CELF2: variants seen among roughly 807,000 people sequenced by gnomAD.
The protein encoded by CELF2 is CUGBP Elav-like family member 2.
In CELF2, 8 loss-of-function variants were observed where a neutral mutation model predicts 62.6. That is an observed-to-expected ratio of 0.13 (90% CI 0.07 to 0.23). The LOEUF is 0.23. Ranked by LOEUF, CELF2 falls within the 10% of genes least tolerant of loss-of-function variation. The pLI, the probability that CELF2 is intolerant of heterozygous loss-of-function variation, is 1.00. For missense variants in CELF2, 333 were observed against 671.0 expected, an observed-to-expected ratio of 0.50 and a Z score of 5.56; for synonymous variants, 258 against 250.0, an observed-to-expected ratio of 1.03 and a Z score of -0.30.
At chr10:10,982,121 A>T (rs2052203951) in intron 2 of CELF2, among the ~76,000 whole-genome samples, 2 of 151,862 alleles carry the variant, frequency 1.3e-5, no homozygotes, top group Middle Eastern at 6.8e-3. Context: ...ATGGCTGGCT[A>T]ATTTTTTTAT....
At chr10:10,697,710 T>C in the CELF2 span, among the ~76,000 whole-genome samples, 2 of 152,192 alleles carry the variant, frequency 1.3e-5, no homozygotes, top group African/African-American at 4.8e-5. Context: ...AATCTCATTC[T>C]TGAGGGCCTC....
chr10:11,115,546 C>G (rs1264018019), intron 1 of CELF2, among the ~76,000 whole-genome samples: 1 of 152,214 alleles, frequency 6.6e-6, no homozygotes, highest in Non-Finnish European at 1.5e-5. Context: ...CTACTTGTCC[C>G]TTTAGCTATT....
At chr10:11,253,177 G>A (rs1163651291) in intron 4 of CELF2, among the ~76,000 whole-genome samples, 2 of 152,192 alleles carry the variant, frequency 1.3e-5, no homozygotes, top group African/African-American at 4.8e-5. Context: ...TGCCGCAAGG[G>A]AAGTTGCTTG....
rs964447977 is a variant in CELF2 at position 11,010,019 on chromosome 10, G to A, written c.53+4579G>A. 1 of 152,210 alleles carries A rather than the reference G, an allele frequency of 6.6e-6. No homozygotes were observed. The highest frequency in any genetic ancestry group is 6.6e-5 in the Admixed American group (1 of 15,250). 9.4% of individuals were successfully genotyped at this position (152,210 alleles called of 1,614,324 possible). ...GTTGTGCCTTTATGCGGAAATTGATGAGTTGCTTTTCATCCTTCTTGTAAG... is the reference window on the plus strand; with the variant it reads ...GTTGTGCCTTTATGCGGAAATTGATAAGTTGCTTTTCATCCTTCTTGTAAG... On this transcript the variant is annotated intron_variant, in intron 1 of 12. Coordinates refer to the CELF2 transcript ENST00000416382. This position sits in a 1 kb window ranked among gnomAD's most constrained non-coding sequence, Gnocchi z 4.1.
chr10:10,470,532 C>T, the CELF2 span, among the ~76,000 whole-genome samples: 1 of 151,782 alleles, frequency 6.6e-6, no homozygotes, highest in Non-Finnish European at 1.5e-5. Context: ...GGGTCATTCT[C>T]ACCTTCTGGA....
Position 11,018,043 on chromosome 10 carries a change from G to T in CELF2, c.-47G>T, listed in dbSNP as rs754907593. ...TCGCGCCGCCCGCGGCCGCTCGGAC[G>T]CGCGCAGAGCCGCCCCCCGCCGCTG... On this transcript the variant is annotated 5_prime_UTR_variant, in exon 1 of 13. Transcript: ENST00000633077. 52 of 1,275,150 alleles carry T rather than the reference G, an allele frequency of 4.1e-5. No homozygotes were observed. The highest frequency in any genetic ancestry group is 5.1e-5 in the Non-Finnish European group (51 of 993,780). 79.0% of individuals were successfully genotyped at this position (1,275,150 alleles called of 1,614,324 possible). A position where few individuals can be genotyped will look rare whatever the true frequency, so the allele number is the denominator to read the frequency against.
In CELF2 at chr10:11,267,554, T is replaced by C. The variant is rs757943495; in HGVS notation, c.618+877T>C. On this transcript the variant is annotated intron_variant, in intron 6 of 12. Coordinates refer to ENST00000633077, the MANE Select transcript of CELF2 (RefSeq NM_001326342.2). The surrounding 1 kb of genome is among the most constrained non-coding windows in gnomAD (Gnocchi z 4.4). ...GTGATCTTTTCCGGAGGTGGCCTTG[T>C]GGTGTTATCTGAAGCTGTGTTTTCA... Among the ~76,000 whole-genome samples the C allele has an allele frequency of 2.0e-5, 3 of 152,248 alleles. No homozygotes were observed. The highest frequency in any genetic ancestry group is 2.9e-5 in the Non-Finnish European group (2 of 68,040).
the CELF2 span, among the ~76,000 whole-genome samples, chr10:10,495,851 A>G: frequency 6.6e-6 from 1 of 152,080 alleles, no homozygotes; most frequent in Non-Finnish European, 1.5e-5. Flanking sequence ...ACGCATTTTC[A>G]CCCTATATCC....
chr10:11,119,743 C>T (rs1263087551), intron 1 of CELF2, among the ~76,000 whole-genome samples: 1 of 151,986 alleles, frequency 6.6e-6, no homozygotes, highest in Non-Finnish European at 1.5e-5. Flanking sequence ...ATGAAAAAGC[C>T]TTTATCCTCC....
Position 11,227,131 on chromosome 10 carries a change from G to A in CELF2, c.354+9624G>A, listed in dbSNP as rs1454717198. 2.0e-5 allele frequency among the ~76,000 whole-genome samples: 3 copies of A among 152,306 alleles called. No homozygotes were observed. The highest frequency in any genetic ancestry group is 3.9e-4 in the East Asian group (2 of 5,186). On this transcript the variant is annotated intron_variant, in intron 3 of 12. Coordinates refer to ENST00000633077, the MANE Select transcript of CELF2 (RefSeq NM_001326342.2). This position sits in a 1 kb window ranked among gnomAD's most constrained non-coding sequence, Gnocchi z 4.8. ...GCTTTAGGCAGCAGGACAAGAGGCC[G>A]AGGTTGTGAAACAAACGGAAACCTC...
At chr10:10,926,593 T>C (rs1228917854) in intron 2 of CELF2, among the ~76,000 whole-genome samples, 1 of 152,230 alleles carries the variant, frequency 6.6e-6, no homozygotes, top group Non-Finnish European at 1.5e-5. Context: ...GCGCACCTCA[T>C]GCTCACAGCA....
intron 2 of CELF2, among the ~76,000 whole-genome samples, chr10:10,987,180 A>G (rs896316477): frequency 1.3e-5 from 2 of 152,202 alleles, no homozygotes; most frequent in Non-Finnish European, 1.5e-5. Context: ...CCAAAACTCC[A>G]ACAGCAAAAG....
Position 10,983,342 on chromosome 10 carries a change from T to A in CELF2, c.89+63343T>A, listed in dbSNP as rs1016746031. On this transcript the variant is annotated intron_variant, in intron 2 of 13. Coordinates refer to the CELF2 transcript ENST00000636488. The surrounding 1 kb of genome is among the most constrained non-coding windows in gnomAD (Gnocchi z 5.2). ...GGTAGGGTATTCAGTTAGTAACCTG[T>A]ATCTAAGTTGATACATATCTTCCCT... Among the ~76,000 whole-genome samples the A allele has an allele frequency of 2.0e-5, 3 of 152,222 alleles. No individual in the cohort carries two copies. The highest frequency in any genetic ancestry group is 7.2e-5 in the African/African-American group (3 of 41,466).
chr10:10,854,547 G>A (rs2059590195), intron 1 of CELF2, among the ~76,000 whole-genome samples: 1 of 152,098 alleles, frequency 6.6e-6, no homozygotes, highest in African/African-American at 2.4e-5. Flanking sequence ...TGGCAAAAAT[G>A]ATTCCAGCTT....
chr10:11,059,400 G>A (rs2066164291), intron 1 of CELF2, among the ~76,000 whole-genome samples: 1 of 138,536 alleles, frequency 7.2e-6, no homozygotes, highest in Admixed American at 7.1e-5. Flanking sequence ...TACTAAGGTG[G>A]GGAGCAAATT....
At chr10:10,919,490 A>T (rs181461816) in intron 1 of CELF2, among the ~76,000 whole-genome samples, 11 of 152,248 alleles carry the variant, frequency 7.2e-5, no homozygotes, top group Non-Finnish European at 1.3e-4. Flanking sequence ...CTACTAAAAG[A>T]ATTCCATTTT....
the CELF2 span, among the ~76,000 whole-genome samples, chr10:10,631,037 A>G: frequency 0.032 from 4,946 of 152,280 alleles, 264 homozygotes; most frequent in African/African-American, 0.11. Flanking sequence ...ATTCTCAACT[A>G]TAGTGCGACG....
chr10:10,912,828 G>C (rs933905585), intron 1 of CELF2, among the ~76,000 whole-genome samples: 2 of 152,328 alleles, frequency 1.3e-5, no homozygotes, highest in Non-Finnish European at 1.5e-5. Context: ...TGCTTGGGCT[G>C]TGTTCAAATC....
chr10:10,824,371 AC>A (rs751188124), intron 1 of CELF2, among the ~76,000 whole-genome samples: 37 of 152,134 alleles, frequency 2.4e-4, no homozygotes, highest in Non-Finnish European at 5.0e-4. Context: ...ATCTCACAGT[AC>A]CTCTCACCTC....
Sources: gnomAD v4.1 joint callset for allele counts (sites outside exome capture counted in the v4.1 genomes callset) on GRCh38, gnomAD v4.1.1 for gene constraint, Gnocchi (gnomAD v3.1) non-coding constraint, MANE v1.5 for transcripts, NCBI Gene and HGNC (gene_info 2026-07-23, HGNC 2026-07-21) for gene names.